Variants in MDFIC observed in about 807,000 individuals in gnomAD.
MDFIC encodes the protein myoD family inhibitor domain-containing protein.
MDFIC carries 17 observed loss-of-function variants against 23.2 expected under a neutral mutation model. The observed-to-expected ratio is 0.73, with a 90% CI of 0.50 to 1.10. The LOEUF is 1.10. Among genes scored for constraint, MDFIC ranks in the 50% least tolerant of loss-of-function variants. The probability of loss-of-function intolerance (pLI) is 0.00; values close to 1 mark genes in which losing one functional copy is unlikely to be tolerated. For missense variants in MDFIC, 356 were observed against 316.6 expected, an observed-to-expected ratio of 1.12 and a Z score of -0.95; for synonymous variants, 120 against 115.2, an observed-to-expected ratio of 1.04 and a Z score of -0.27.
chr7:114,978,793 T>G (rs1007800219), intron 3 of MDFIC, among the ~76,000 whole-genome samples: 3 of 152,224 alleles, frequency 2.0e-5, no homozygotes, highest in Middle Eastern at 3.4e-3. Context: ...TTTGTCTTGT[T>G]TATTGCTTGT....
intron 3 of MDFIC, among the ~76,000 whole-genome samples, chr7:114,945,530 G>T (rs1792627874): frequency 6.6e-6 from 1 of 152,272 alleles, no homozygotes; most frequent in South Asian, 2.1e-4. Context: ...TGGTTTTTCA[G>T]GGTGCGGATT....
intron 3 of MDFIC, among the ~76,000 whole-genome samples, chr7:114,960,502 A>C (rs765717472): frequency 6.6e-6 from 1 of 152,106 alleles, no homozygotes; most frequent in Non-Finnish European, 1.5e-5. Flanking sequence ...CCGCAAACAC[A>C]TATCAAAAGG....
chr7:114,933,100 A>T (rs1290490317), intron 2 of MDFIC, among the ~76,000 whole-genome samples: 1 of 152,188 alleles, frequency 6.6e-6, no homozygotes, highest in African/African-American at 2.4e-5. Flanking sequence ...AGAGCTTGAG[A>T]CTAAAAATGT....
At chr7:114,923,955 A>G (rs1792141064) in intron 2 of MDFIC, among the ~76,000 whole-genome samples, 1 of 152,256 alleles carries the variant, frequency 6.6e-6, no homozygotes, top group African/African-American at 2.4e-5. Flanking sequence ...GATTTTAGGC[A>G]TAAACTGATA....
At chr7:114,996,272 G>T (rs1791326226) in intron 4 of MDFIC, among the ~76,000 whole-genome samples, 1 of 152,208 alleles carries the variant, frequency 6.6e-6, no homozygotes, top group South Asian at 2.1e-4. Flanking sequence ...CGGGGTGACA[G>T]TGATGGAGGT....
chr7:114,947,045 A>T (rs1792660627), intron 3 of MDFIC, among the ~76,000 whole-genome samples: 2 of 152,182 alleles, frequency 1.3e-5, no homozygotes, highest in South Asian at 4.1e-4. Context: ...GGTTTGTATT[A>T]AGTTTATTTC....
chr7:114,948,695 A>G (rs900327752), intron 3 of MDFIC, among the ~76,000 whole-genome samples: 1 of 151,924 alleles, frequency 6.6e-6, no homozygotes, highest in Non-Finnish European at 1.5e-5. Flanking sequence ...TACTGCATAT[A>G]TAGATATTGT....
intron 2 of MDFIC, among the ~76,000 whole-genome samples, chr7:114,930,311 T>G (rs976388390): frequency 6.6e-6 from 1 of 152,112 alleles, no homozygotes; most frequent in African/African-American, 2.4e-5. Context: ...GTGGAAGTGA[T>G]GAGAGGATGA....
intron 2 of MDFIC, among the ~76,000 whole-genome samples, chr7:114,926,473 A>G (rs1014976633): frequency 5.3e-5 from 8 of 152,306 alleles, no homozygotes; most frequent in Admixed American, 5.2e-4. Context: ...ATTGTGAATC[A>G]CTTGAGCTTG....
intron 4 of MDFIC, among the ~76,000 whole-genome samples, chr7:114,996,776 C>G (rs1341555964): frequency 6.6e-6 from 1 of 152,268 alleles, no homozygotes; most frequent in East Asian, 1.9e-4. Context: ...TATCAGCATC[C>G]TTTAGAAGCT....
At chr7:114,957,478 G>A (rs1037127341) in intron 3 of MDFIC, among the ~76,000 whole-genome samples, 2 of 152,000 alleles carry the variant, frequency 1.3e-5, no homozygotes, top group African/African-American at 2.4e-5. Flanking sequence ...TTATAATAGC[G>A]ATACAGTTTA....
At chr7:114,984,493 A>C (rs993539830) in intron 4 of MDFIC, among the ~76,000 whole-genome samples, 106 of 152,346 alleles carry the variant, frequency 7.0e-4, no homozygotes, top group African/African-American at 2.5e-3. Flanking sequence ...TCTTTTAAAA[A>C]GTTCCATTTT....
intron 4 of MDFIC, among the ~76,000 whole-genome samples, chr7:115,009,005 TC>T (rs1313544590): frequency 6.6e-6 from 1 of 152,100 alleles, no homozygotes; most frequent in Non-Finnish European, 1.5e-5. Flanking sequence ...AGCTACAGAG[TC>T]AGGTTTGACC....
In MDFIC at chr7:115,019,477, T is replaced by G. The variant is rs1426186550; in HGVS notation, c.*3542T>G. On this transcript the variant is annotated 3_prime_UTR_variant, in exon 5 of 5. Coordinates refer to ENST00000393486, the MANE Select transcript of MDFIC (RefSeq NM_001166345.3). ...GCCCTAGATTCTAATGTTATAAACG[T>G]CAAACATCACTGCCCAACATAAATA... 6.6e-6 allele frequency among the ~76,000 whole-genome samples: 1 copy of G among 152,110 alleles called. No homozygotes were observed. Among genetic ancestry groups the G allele is most frequent in the Non-Finnish European group, 1.5e-5 (1 of 67,986 alleles).
chr7:114,940,797 A>G (rs925932232), intron 2 of MDFIC, among the ~76,000 whole-genome samples: 2 of 152,170 alleles, frequency 1.3e-5, no homozygotes, highest in African/African-American at 4.8e-5. Flanking sequence ...GAAAGAATAA[A>G]TTGGTCTCAT....
chr7:114,955,743 A>G (rs1792871062), intron 3 of MDFIC, among the ~76,000 whole-genome samples: 1 of 152,244 alleles, frequency 6.6e-6, no homozygotes, highest in Admixed American at 6.5e-5. Context: ...TGGATTGACT[A>G]TCTTTGCTTC....
At chr7:114,963,298 A>G (rs763612842) in intron 3 of MDFIC, among the ~76,000 whole-genome samples, 10 of 152,238 alleles carry the variant, frequency 6.6e-5, no homozygotes, top group Non-Finnish European at 1.3e-4. Context: ...TGAATTAGGT[A>G]ATAAATATAC....
At chr7:114,976,053 G>C (rs1793302439) in intron 3 of MDFIC, among the ~76,000 whole-genome samples, 3 of 152,040 alleles carry the variant, frequency 2.0e-5, no homozygotes, top group Admixed American at 2.0e-4. Context: ...TATCACTCCA[G>C]CCATACCTAG....
intron 3 of MDFIC, among the ~76,000 whole-genome samples, chr7:114,950,299 G>T (rs1470267652): frequency 2.0e-5 from 3 of 152,140 alleles, no homozygotes; most frequent in South Asian, 4.1e-4. Context: ...GATGTAGCCA[G>T]TAAGACATAT....
Sources: gnomAD v4.1 joint callset for allele counts (sites outside exome capture counted in the v4.1 genomes callset) on GRCh38, gnomAD v4.1.1 for gene constraint, MANE v1.5 for transcripts, NCBI Gene and HGNC (gene_info 2026-07-23, HGNC 2026-07-21) for gene names.